CFAP77: variants seen among roughly 807,000 people sequenced by gnomAD.
The protein encoded by CFAP77 is cilia and flagella associated protein 77.
In CFAP77, 25 loss-of-function variants were observed where a neutral mutation model predicts 31.1. The ratio of observed to expected loss-of-function variants is 0.80; its 90% CI spans 0.59 to 1.12. The LOEUF is 1.12. CFAP77 is among the 50% of genes most tolerant of loss of function. The pLI, the probability that CFAP77 is intolerant of heterozygous loss-of-function variation, is 0.00. For missense variants in CFAP77, 377 were observed against 397.3 expected (o/e 0.95, Z 0.44); for synonymous variants, 151 against 159.9 (o/e 0.94, Z 0.42).
chr9:132,484,641 CGTGGT>C (rs1361917977), intron 1 of CFAP77, among the ~76,000 whole-genome samples: 1 of 152,006 alleles, frequency 6.6e-6, no homozygotes, highest in Non-Finnish European at 1.5e-5. Context: ...TTCATCAGGA[CGTGGT>C]GTGGTTTCTG....
At chr9:132,540,869 C>A (rs1042266707) in intron 4 of CFAP77, among the ~76,000 whole-genome samples, 1 of 152,180 alleles carries the variant, frequency 6.6e-6, no homozygotes, top group Non-Finnish European at 1.5e-5. Flanking sequence ...TCCTACTTCT[C>A]CCTTTTTCAG....
At chr9:132,494,192 G>A (rs111610988) in intron 1 of CFAP77, among the ~76,000 whole-genome samples, 8,843 of 152,252 alleles carry the variant, frequency 0.058, 311 homozygotes, top group South Asian at 0.1. Flanking sequence ...GATTACAGGC[G>A]TGAGCCACCA....
At chr9:132,551,190 G>A (rs944638736) in intron 5 of CFAP77, among the ~76,000 whole-genome samples, 2 of 151,914 alleles carry the variant, frequency 1.3e-5, no homozygotes, top group African/African-American at 4.8e-5. Context: ...GAGGGGAGAA[G>A]TTATCCTAAA....
At position 132,419,396 on chromosome 9, in the gene CFAP77, C is replaced by T. The variant is rs530150191; in HGVS notation, c.195+8930C>T. On this transcript the variant is annotated intron_variant, in intron 1 of 5. Coordinates refer to ENST00000393216, the MANE Select transcript of CFAP77 (RefSeq NM_001282957.2). The stretch of plus-strand genomic sequence containing the variant: ...CAATAGCACAGCGTCTAAGCTGTGC[C>T]GTGGCGTCAGAGAAGCAGCCCCAGG... Among the ~76,000 whole-genome samples, 10 of 152,290 alleles carry T rather than the reference C, an allele frequency of 6.6e-5. No homozygotes were observed. In the East Asian group the frequency reaches 1.5e-3, roughly 24 times the overall value.
intron 3 of CFAP77, among the ~76,000 whole-genome samples, chr9:132,500,298 G>A (rs903441153): frequency 1.1e-4 from 17 of 152,116 alleles, no homozygotes; most frequent in Admixed American, 1.1e-3. Flanking sequence ...GGCCATAACT[G>A]GCCATGGGAT....
At chr9:132,563,456 C>G (rs1222798086) in intron 5 of CFAP77, among the ~76,000 whole-genome samples, 1 of 152,198 alleles carries the variant, frequency 6.6e-6, no homozygotes, top group Admixed American at 6.5e-5. Context: ...GGTGGGGCCT[C>G]TCTGGAGTGT....
chr9:132,465,073 C>CAAAA (rs773917029), intron 1 of CFAP77, among the ~76,000 whole-genome samples: 1 of 82,852 alleles, frequency 1.2e-5, no homozygotes, highest in Non-Finnish European at 2.6e-5. Flanking sequence ...GACTCTGTCT[C>CAAAA]AAAAAAAAAA....
chr9:132,440,123 G>A (rs1850590635), intron 1 of CFAP77, among the ~76,000 whole-genome samples: 2 of 152,048 alleles, frequency 1.3e-5, no homozygotes, highest in African/African-American at 4.8e-5. Flanking sequence ...TTGAGCTCAG[G>A]AGTTTGAGAC....
At chr9:132,423,749 G>GCCCAGAAAGGCTCAGAAACATGC (rs1380968730) in intron 1 of CFAP77, among the ~76,000 whole-genome samples, 1 of 152,196 alleles carries the variant, frequency 6.6e-6, no homozygotes, top group Non-Finnish European at 1.5e-5. Context: ...CGTGTCTTGA[G>GCCCAGAAAGGCTCAGAAACATGC]CCCAGAAAGG....
intron 3 of CFAP77, 103 bp from the exon 4 acceptor site, chr9:132,537,498 C>T: frequency 1.3e-6 from 1 of 767,938 alleles, no homozygotes. Flanking sequence ...TGATGTACCC[C>T]ACAGCCCCTG....
intron 3 of CFAP77, among the ~76,000 whole-genome samples, chr9:132,504,222 G>T (rs1035575513): frequency 6.6e-6 from 1 of 152,182 alleles, no homozygotes; most frequent in Admixed American, 6.5e-5. Context: ...CCCATCCAGT[G>T]CTCCTCACTC....
At chr9:132,482,842 A>G (rs1851471943) in intron 1 of CFAP77, among the ~76,000 whole-genome samples, 1 of 148,330 alleles carries the variant, frequency 6.7e-6, no homozygotes, top group Admixed American at 6.7e-5. Context: ...TAGGAGATAT[A>G]CCTAAGGCTA....
rs528235667 is a variant in CFAP77, at chr9:132,424,097, A to G, written c.195+13631A>G. Among the ~76,000 whole-genome samples the G allele has an allele frequency of 1.5e-4, 23 of 152,300 alleles. No individual in the cohort carries two copies. The highest frequency in any genetic ancestry group is 5.5e-4 in the African/African-American group (23 of 41,572). Reference sequence around the variant, plus strand: ...AGGCTGAAACCAATGCAGCCAAGACATCCATGGCTGTTAAAAAAAGAGTTA... The same window carrying G: ...AGGCTGAAACCAATGCAGCCAAGACGTCCATGGCTGTTAAAAAAAGAGTTA... On this transcript the variant is annotated intron_variant, in intron 1 of 5. Coordinates refer to ENST00000393216, the MANE Select transcript of CFAP77 (RefSeq NM_001282957.2). The surrounding 1 kb of genome is among the most constrained non-coding windows in gnomAD (Gnocchi z 4.1).
At chr9:132,414,758 C>T (rs1451299252) in intron 1 of CFAP77, among the ~76,000 whole-genome samples, 2 of 152,166 alleles carry the variant, frequency 1.3e-5, no homozygotes, top group East Asian at 3.9e-4. Context: ...TGTAGGTTTT[C>T]ACCCCAACTT....
intron 1 of CFAP77, among the ~76,000 whole-genome samples, chr9:132,451,151 A>G (rs575900319): frequency 4.6e-5 from 7 of 152,106 alleles, no homozygotes; most frequent in African/African-American, 1.7e-4. Context: ...AGCCTGGCCA[A>G]CATGGTGAAA....
rs929713054 is a variant in CFAP77, at chr9:132,554,635, C to A, written c.732+11588C>A. Among the ~76,000 whole-genome samples, 1 of 152,198 alleles carries A rather than the reference C, an allele frequency of 6.6e-6. No homozygotes were observed. The highest frequency in any genetic ancestry group is 1.9e-4 in the East Asian group (1 of 5,192). On this transcript the variant is annotated intron_variant, in intron 5 of 5. Transcript: ENST00000393216. The surrounding 1 kb of genome is among the most constrained non-coding windows in gnomAD (Gnocchi z 4.1). The stretch of plus-strand genomic sequence containing the variant: ...CACAGGCATGAGCCACTATGCCCAG[C>A]CCTTAAATACCTTGTTTCACCTTGC...
At position 132,454,948 on chromosome 9, in the gene CFAP77, A is replaced by G. The variant is rs371592703; in HGVS notation, c.196-43747A>G. Reference sequence around the variant, plus strand: ...CAAAGTCCCCTTAAGTCAGAGAGTGATCACTTAGACCATCCCAGGATTACC... The same window carrying G: ...CAAAGTCCCCTTAAGTCAGAGAGTGGTCACTTAGACCATCCCAGGATTACC... On this transcript the variant is annotated intron_variant, in intron 1 of 5. Transcript: ENST00000393216. Among the ~76,000 whole-genome samples the G allele has an allele frequency of 6.0e-4, 92 of 152,310 alleles. 2 individuals are homozygous for G. In the South Asian group the frequency reaches 0.019, roughly 31 times the overall value.
Position 132,517,322 on chromosome 9 carries a change from T to G in CFAP77, c.524+17722T>G, listed in dbSNP as rs866756081. ...GCATATTAGAGATGGATTTTAATTT[T>G]ATTTTAACAAAATAGCTGTCTCCAC... On this transcript the variant is annotated intron_variant, in intron 3 of 5. Transcript: ENST00000393216. The surrounding 1 kb of genome is among the most constrained non-coding windows in gnomAD (Gnocchi z 4.7). Among the ~76,000 whole-genome samples, 1 of 152,216 alleles carries G rather than the reference T, an allele frequency of 6.6e-6. No individual in the cohort carries two copies. The highest frequency in any genetic ancestry group is 1.9e-4 in the East Asian group (1 of 5,196).
intron 3 of CFAP77, among the ~76,000 whole-genome samples, chr9:132,525,199 T>C (rs868692472): frequency 2.0e-5 from 3 of 152,092 alleles, no homozygotes; most frequent in Middle Eastern, 6.8e-3. Flanking sequence ...TTTGTGTTTT[T>C]AGTAGAGACC....
Sources: allele counts gnomAD v4.1 joint callset (sites outside exome capture counted in the v4.1 genomes callset), GRCh38; gene constraint gnomAD v4.1.1; non-coding constraint Gnocchi (gnomAD v3.1); transcripts MANE v1.5; gene names NCBI Gene and HGNC (gene_info 2026-07-23, HGNC 2026-07-21).